COPZ1: variants seen among roughly 807,000 people sequenced by gnomAD.
COPZ1 encodes coatomer subunit zeta-1.
In COPZ1, 4 loss-of-function variants were observed where a neutral mutation model predicts 31.7. The ratio of observed to expected loss-of-function variants is 0.13; its 90% CI spans 0.06 to 0.29. COPZ1 has a LOEUF of 0.29. Ranked by LOEUF, COPZ1 falls within the 10% of genes least tolerant of loss-of-function variation. The probability of loss-of-function intolerance (pLI) is 1.00; values close to 1 mark genes in which losing one functional copy is unlikely to be tolerated. For synonymous variants in COPZ1, 74 were observed against 79.0 expected (o/e 0.94, Z 0.33); for missense variants, 156 against 211.5 (o/e 0.74, Z 1.63).
At chr12:54,338,169 ATG>A (rs1953905813) in intron 1 of COPZ1, among the ~76,000 whole-genome samples, 1 of 152,230 alleles carries the variant, frequency 6.6e-6, no homozygotes, top group Admixed American at 6.5e-5. Context: ...GTTGCTGTGA[ATG>A]TGGATAGAGG....
In COPZ1 at chr12:54,350,673, A is replaced by C; in HGVS notation, c.*150A>C. On this transcript the variant is annotated 3_prime_UTR_variant, in exon 9 of 9. Transcript: ENST00000262061. ...CCATTCTGTTTGTGGTTGCCCCCTC[A>C]ACCTCCCCTACACCCTTCCTATTCT... is the stretch of plus-strand genomic sequence containing the variant. 1 of 688,948 alleles carries C rather than the reference A, an allele frequency of 1.5e-6. No individual in the cohort carries two copies. The highest frequency in any genetic ancestry group is 2.7e-6 in the Non-Finnish European group (1 of 376,424). The allele number at this position is 688,948 out of a possible 1,614,324, so 42.7% of individuals were successfully genotyped here.
At chr12:54,328,514 C>T (rs768014503) in intron 1 of COPZ1, among the ~76,000 whole-genome samples, 24 of 151,952 alleles carry the variant, frequency 1.6e-4, no homozygotes, top group Non-Finnish European at 2.8e-4. Flanking sequence ...CGCGGTGAGC[C>T]GAGATGCGCC....
Position 54,350,816 on chromosome 12 carries a change from C to T in COPZ1, c.*293C>T. The stretch of plus-strand genomic sequence containing the variant: ...ATGCTCACATGCTCCCTTGCCCTGA[C>T]ATTTTTGTAAATTCTGTGCCCTTTG... On this transcript the variant is annotated 3_prime_UTR_variant, in exon 9 of 9. Coordinates refer to ENST00000262061, the MANE Select transcript of COPZ1 (RefSeq NM_016057.3). The T allele has an allele frequency of 4.4e-6, 2 of 453,328 alleles. No homozygotes were observed. Among genetic ancestry groups the T allele is most frequent in the South Asian group, 6.1e-5 (2 of 33,050 alleles). The allele number at this position is 453,328 out of a possible 1,614,324, so 28.1% of individuals were successfully genotyped here.
Position 54,330,842 on chromosome 12 carries a change from C to T in COPZ1, c.18+5661C>T, listed in dbSNP as rs151338517. ...TAAAGAATCAGTACCTATGTACCCA[C>T]TTGTGCTGGAGTAATTAGGAAGAGG... On this transcript the variant is annotated intron_variant, in intron 1 of 8. Transcript: ENST00000262061. 1.7e-3 allele frequency among the ~76,000 whole-genome samples: 261 copies of T among 152,332 alleles called. 2 individuals carry two copies. The highest frequency in any genetic ancestry group is 6.0e-3 in the African/African-American group (249 of 41,578).
chr12:54,336,722 C>CTTTAGAA (rs1272370352), intron 1 of COPZ1, among the ~76,000 whole-genome samples: 1 of 150,366 alleles, frequency 6.7e-6, no homozygotes, highest in Admixed American at 6.6e-5. Context: ...TTTCACCAGG[C>CTTTAGAA]TTTAGAAGCC....
rs1436488840 is a variant in COPZ1, at chr12:54,351,634, C to G, written c.*1111C>G. The G allele has an allele frequency of 1.3e-5, 2 of 152,192 alleles. No individual in the cohort carries two copies. 9.4% of individuals were successfully genotyped at this position (152,192 alleles called of 1,614,324 possible). On this transcript the variant is annotated 3_prime_UTR_variant, in exon 9 of 9. Coordinates refer to ENST00000262061, the MANE Select transcript of COPZ1 (RefSeq NM_016057.3). ...TTGGGTCTAATCTTTCCCCTTGACC[C>G]AGAACTTCCTCCCCACAAAAATGCC...
At position 54,343,208 on chromosome 12, in the gene COPZ1, T is replaced by C; in HGVS notation, c.170-17T>C. 6.3e-7 allele frequency: 1 copy of C among 1,598,752 alleles called. No individual in the cohort carries two copies. Among genetic ancestry groups the C allele is most frequent in the South Asian group, 1.1e-5 (1 of 90,732 alleles). On this transcript the variant is annotated splice_polypyrimidine_tract_variant and intron_variant, in intron 3 of 8. Coordinates refer to ENST00000262061, the MANE Select transcript of COPZ1 (RefSeq NM_016057.3). ...ATCTCAAGCCACCCACTATTTTTAC[T>C]TTTTTTCCCCCACCAGGTGAAATTG...
At chr12:54,342,912 A>G (rs1329184006) in intron 3 of COPZ1, among the ~76,000 whole-genome samples, 2 of 142,974 alleles carry the variant, frequency 1.4e-5, no homozygotes, top group African/African-American at 5.3e-5. Flanking sequence ...GCTGGAGTAC[A>G]GTGGCGAGAT....
At chr12:54,328,026 A>G (rs1432583603) in intron 1 of COPZ1, among the ~76,000 whole-genome samples, 1 of 152,086 alleles carries the variant, frequency 6.6e-6, no homozygotes, top group Non-Finnish European at 1.5e-5. Context: ...TAATCCTAGC[A>G]CTTTGGGAGG....
In COPZ1 at chr12:54,343,331, C is replaced by T. The variant is rs750678095; in HGVS notation, c.261+15C>T. On this transcript the variant is annotated intron_variant, in intron 4 of 8. Transcript: ENST00000262061. ...ATGAAAATGAGGTGAGAATCCCCAC[C>T]CCTCTTTGCTATTTCTGATCCTACT... is the stretch of plus-strand genomic sequence containing the variant. 1 of 1,591,888 alleles carries T rather than the reference C, an allele frequency of 6.3e-7. No homozygotes were observed. Among genetic ancestry groups the T allele is most frequent in the East Asian group, 2.2e-5 (1 of 44,750 alleles).
Position 54,343,290 on chromosome 12 carries a change from G to T in COPZ1, c.235G>T (p.Val79Leu). The T allele has an allele frequency of 6.2e-7, 1 of 1,613,778 alleles. No homozygotes were observed. Residue 79 changes from valine to leucine, a missense_variant, in exon 4 of 9, where the codon GTG (valine) becomes TTG (leucine). Coordinates refer to ENST00000262061, the MANE Select transcript of COPZ1 (RefSeq NM_016057.3). ...YKSSIDLYFYVIGSSYENELM... is the reference protein window; with the variant it reads ...YKSSIDLYFYLIGSSYENELM... ...AAGCAGTATAGATCTCTATTTCTAT[G>T]TGATTGGCAGCTCCTATGAAAATGA...
chr12:54,330,880 C>T (rs1224687332), intron 1 of COPZ1, among the ~76,000 whole-genome samples: 1 of 152,182 alleles, frequency 6.6e-6, no homozygotes, highest in Non-Finnish European at 1.5e-5. Context: ...AGGCAGAGTG[C>T]CCAGGGGACA....
At chr12:54,325,235 C>A in intron 1 of COPZ1, 54 bp downstream of exon 1, 1 of 1,543,166 alleles carries the variant, frequency 6.5e-7, no homozygotes, top group Non-Finnish European at 8.7e-7. Flanking sequence ...GGCCGGGAGT[C>A]AGGGTTCAGC....
At chr12:54,329,923 T>C (rs952125358) in intron 1 of COPZ1, among the ~76,000 whole-genome samples, 1 of 152,148 alleles carries the variant, frequency 6.6e-6, no homozygotes, top group African/African-American at 2.4e-5. Context: ...TTAAATTCCT[T>C]TGGCCCTAAC....
At chr12:54,335,375 T>TG (rs1158142517) in intron 1 of COPZ1, among the ~76,000 whole-genome samples, 2 of 151,912 alleles carry the variant, frequency 1.3e-5, no homozygotes, top group Non-Finnish European at 2.9e-5. Context: ...ATCAGGGTAA[T>TG]GCCACATCAG....
chr12:54,330,074 GC>G (rs1259814335), intron 1 of COPZ1, among the ~76,000 whole-genome samples: 3 of 152,006 alleles, frequency 2.0e-5, no homozygotes, highest in Non-Finnish European at 4.4e-5. Flanking sequence ...CTGGTGCCTG[GC>G]CCCCTCCATT....
At chr12:54,340,364 T>C (rs1953952819) in intron 1 of COPZ1, 183 bp from the exon 2 acceptor site, 1 of 908,122 alleles carries the variant, frequency 1.1e-6, no homozygotes, top group Non-Finnish European at 1.6e-6. Flanking sequence ...TCTCTGTCAA[T>C]TCAGTTTACT....
At chr12:54,343,158 G>A (rs1015644752) in intron 3 of COPZ1, 67 bp from the exon 4 acceptor site, 3 of 1,284,720 alleles carry the variant, frequency 2.3e-6, no homozygotes, top group Non-Finnish European at 3.4e-6. Context: ...CGCCTGGCTG[G>A]TAACTCCTTC....
At chr12:54,326,124 A>AATAATTATT (rs1555152047) in intron 1 of COPZ1, among the ~76,000 whole-genome samples, 2 of 139,164 alleles carry the variant, frequency 1.4e-5, no homozygotes, top group South Asian at 2.3e-4. Flanking sequence ...CCTGGCCAGG[A>AATAATTATT]ATTATTATTA....
Sources: gnomAD v4.1 joint callset for allele counts (sites outside exome capture counted in the v4.1 genomes callset) on GRCh38, gnomAD v4.1.1 for gene constraint, MANE v1.5 for transcripts, NCBI Gene and HGNC (gene_info 2026-07-23, HGNC 2026-07-21) for gene names.